MEIS2: variants seen among roughly 807,000 people sequenced by gnomAD.
MEIS2 encodes the protein Meis homeobox 2, also known as homeobox protein Meis2.
Under a neutral mutation model 58.6 loss-of-function variants are expected in MEIS2, and 9 were observed. The ratio of observed to expected loss-of-function variants is 0.15; its 90% confidence interval spans 0.09 to 0.27. MEIS2 has a LOEUF of 0.27. Ranked by LOEUF, MEIS2 falls within the 10% of genes least tolerant of loss-of-function variation. The pLI is 1.00. For synonymous variants in MEIS2, 221 were observed against 228.4 expected (o/e 0.97, Z 0.29); for missense variants, 427 against 635.0 (o/e 0.67, Z 3.52).
At chr15:37,011,817 A>G (rs546984557) in intron 8 of MEIS2, among the ~76,000 whole-genome samples, 81 of 151,910 alleles carry the variant, frequency 5.3e-4, no homozygotes, top group African/African-American at 2.0e-3. Flanking sequence ...ATGGGGTTTC[A>G]TCATGTTGGT....
rs550578878 is a variant in MEIS2, at chr15:37,037,449, C to T, written c.755-490G>A. ...TCCTAGAGCTGTCACCTCCTAAGCACGCACATTCGCACACTTCTCATATGA... is the reference window on the plus strand; with the variant it reads ...TCCTAGAGCTGTCACCTCCTAAGCATGCACATTCGCACACTTCTCATATGA... On this transcript the variant is annotated intron_variant, in intron 7 of 11. Transcript: ENST00000561208. Among the ~76,000 whole-genome samples, 12 of 152,212 alleles carry T rather than the reference C, an allele frequency of 7.9e-5. No individual in the cohort carries two copies. In the South Asian group the frequency reaches 1.0e-3, roughly 13 times the overall value.
chr15:36,989,069 A>G (rs1168366265), intron 8 of MEIS2, among the ~76,000 whole-genome samples: 1 of 152,212 alleles, frequency 6.6e-6, no homozygotes, highest in Non-Finnish European at 1.5e-5. Flanking sequence ...TAACTGTCAG[A>G]CTTCAAAACA....
At chr15:36,941,765 C>T (rs1185811705) in intron 9 of MEIS2, among the ~76,000 whole-genome samples, 3 of 152,204 alleles carry the variant, frequency 2.0e-5, no homozygotes, top group Non-Finnish European at 4.4e-5. Context: ...ACAAGATACT[C>T]TTAGTCAAGG....
chr15:36,976,245 C>T (rs997264418), intron 8 of MEIS2, among the ~76,000 whole-genome samples: 3 of 151,742 alleles, frequency 2.0e-5, no homozygotes, highest in Non-Finnish European at 4.4e-5. Context: ...CCACCATGCC[C>T]AGCTAATTTT....
chr15:37,006,456 T>G (rs28416441), intron 8 of MEIS2, among the ~76,000 whole-genome samples: 5,437 of 152,304 alleles, frequency 0.036, 315 homozygotes, highest in African/African-American at 0.13. Flanking sequence ...GGTGTGACCT[T>G]ATATCTTCTC....
At chr15:37,013,192 A>T (rs1293036637) in intron 8 of MEIS2, among the ~76,000 whole-genome samples, 1 of 152,166 alleles carries the variant, frequency 6.6e-6, no homozygotes, top group Non-Finnish European at 1.5e-5. Context: ...CTCAGCCTGG[A>T]TGTGAGAATA....
chr15:36,988,176 G>T (rs2060153796), intron 8 of MEIS2, among the ~76,000 whole-genome samples: 1 of 152,092 alleles, frequency 6.6e-6, no homozygotes, highest in Non-Finnish European at 1.5e-5. Context: ...TGAGATGATG[G>T]ATATAACAAT....
intron 9 of MEIS2, among the ~76,000 whole-genome samples, chr15:36,911,239 GT>G (rs1166070732): frequency 6.6e-6 from 1 of 151,772 alleles, no homozygotes; most frequent in East Asian, 1.9e-4. Flanking sequence ...CAAAATAGCT[GT>G]TTGAAACCGA....
At chr15:37,076,571 T>C (rs1248966658) in intron 7 of MEIS2, among the ~76,000 whole-genome samples, 2 of 152,048 alleles carry the variant, frequency 1.3e-5, no homozygotes, top group Non-Finnish European at 2.9e-5. Context: ...TCTGTATTTC[T>C]TACCTACTGC....
intron 4 of MEIS2, among the ~76,000 whole-genome samples, 174 bp downstream of exon 4, chr15:37,095,390 T>TC (rs1894102384): frequency 6.6e-6 from 1 of 152,172 alleles, no homozygotes; most frequent in African/African-American, 2.4e-5. Flanking sequence ...TTCATCCTGC[T>TC]CCTCGCTCGC....
At chr15:37,029,507 A>C (rs2061831220) in intron 8 of MEIS2, among the ~76,000 whole-genome samples, 1 of 152,182 alleles carries the variant, frequency 6.6e-6, no homozygotes, top group Non-Finnish European at 1.5e-5. Flanking sequence ...CTAATGATAG[A>C]AATTATCACA....
intron 9 of MEIS2, among the ~76,000 whole-genome samples, chr15:36,903,104 CAGAT>C (rs2056560000): frequency 1.3e-5 from 2 of 152,280 alleles, no homozygotes; most frequent in African/African-American, 4.8e-5. Context: ...AATTTCCCCT[CAGAT>C]AGGGAATTAT....
chr15:36,918,579 G>C (rs1037131328), intron 9 of MEIS2, among the ~76,000 whole-genome samples: 9 of 152,220 alleles, frequency 5.9e-5, no homozygotes, highest in African/African-American at 1.9e-4. Flanking sequence ...AAAGGTTGGA[G>C]TTTAGCGGTA....
chr15:36,970,391 A>G (rs372146982), intron 8 of MEIS2, among the ~76,000 whole-genome samples: 40 of 147,512 alleles, frequency 2.7e-4, no homozygotes, highest in South Asian at 1.5e-3. Context: ...GCGACAGAGC[A>G]AGACTCCGTC....
chr15:37,022,678 C>G, intron 8 of MEIS2, among the ~76,000 whole-genome samples: 1 of 152,222 alleles, frequency 6.6e-6, no homozygotes, highest in Non-Finnish European at 1.5e-5. Flanking sequence ...CTTGCTCTGT[C>G]GCCCAGGTTG....
chr15:37,028,612 T>C (rs551405689), intron 8 of MEIS2, among the ~76,000 whole-genome samples: 18 of 152,328 alleles, frequency 1.2e-4, no homozygotes, highest in African/African-American at 3.8e-4. Flanking sequence ...ATGTCCTCTA[T>C]TCTTTACTGA....
At chr15:37,051,103 G>T (rs979399524) in intron 7 of MEIS2, among the ~76,000 whole-genome samples, 155 of 152,148 alleles carry the variant, frequency 1.0e-3, no homozygotes, top group Admixed American at 6.3e-3. Flanking sequence ...TCCCCACTTT[G>T]TACCCAATGC....
chr15:37,095,807 T>C (rs1319616470), intron 3 of MEIS2, 193 bp from the exon 4 acceptor site: 2 of 742,720 alleles, frequency 2.7e-6, no homozygotes, highest in East Asian at 2.8e-5. Context: ...CCTGGCCCCA[T>C]TAAGGGGGAC....
intron 8 of MEIS2, among the ~76,000 whole-genome samples, chr15:36,974,983 T>C (rs1036223543): frequency 1.2e-4 from 18 of 152,320 alleles, no homozygotes; most frequent in Admixed American, 9.8e-4. Context: ...AATCCCTCCA[T>C]AGAAAACCTT....
Sources: gnomAD v4.1 joint callset for allele counts (sites outside exome capture counted in the v4.1 genomes callset) on GRCh38, gnomAD v4.1.1 for gene constraint, MANE v1.5 for transcripts, NCBI Gene and HGNC (gene_info 2026-07-23, HGNC 2026-07-21) for gene names.